The following HEPHL1 variants were observed in gnomAD, a reference collection of about 807,000 sequenced individuals.
HEPHL1 encodes the protein ferroxidase HEPHL1.
A neutral mutation model predicts 122.0 loss-of-function variants in HEPHL1; 123 were observed. That is an observed-to-expected ratio of 1.01 (90% CI 0.87 to 1.17). The LOEUF (loss-of-function observed/expected upper bound fraction) is 1.17. Ranked by LOEUF, HEPHL1 falls within the 50% of genes most tolerant of loss-of-function variation. The probability of loss-of-function intolerance (pLI) is 0.00; values close to 1 mark genes in which losing one functional copy is unlikely to be tolerated. For missense variants in HEPHL1, 1,452 were observed against 1,430.5 expected, an observed-to-expected ratio of 1.01 and a Z score of -0.24; for synonymous variants, 527 against 508.9, an observed-to-expected ratio of 1.04 and a Z score of -0.48.
intron 15 of HEPHL1, among the ~76,000 whole-genome samples, chr11:94,104,292 T>C (rs1182539734): frequency 1.3e-5 from 2 of 152,140 alleles, no homozygotes; most frequent in Non-Finnish European, 2.9e-5. Context: ...AGGGTTTGTA[T>C]TTAATTCTGT....
chr11:94,110,919 G>T lies in HEPHL1; in HGVS notation c.3062G>T (p.Arg1021Leu). Residue 1021 changes from arginine (R) to leucine (L), a missense_variant, in exon 18 of 20, where the codon CGA becomes CTA. Physicochemically the swap from Arg to Leu is moderately radical, Grantham distance 102. Coordinates refer to ENST00000315765, the MANE Select transcript of HEPHL1 (RefSeq NM_001098672.2). The stretch of plus-strand genomic sequence containing the variant: ...TTTTTGCAGATAGATAAATCTTACC[G>T]AGAAGATGTGTATGATCTCTTTCCT... ...SFLFKIDKSY[R>L]EDVYDLFPGT... is the part of the protein sequence containing the mutation. 6.2e-7 allele frequency: 1 copy of T among 1,612,114 alleles called. No homozygotes were observed. The highest frequency in any genetic ancestry group is 1.1e-5 in the South Asian group (1 of 90,596).
At chr11:94,082,788 A>G (rs766133811) in intron 10 of HEPHL1, among the ~76,000 whole-genome samples, 2 of 152,180 alleles carry the variant, frequency 1.3e-5, no homozygotes, top group Admixed American at 6.5e-5. Flanking sequence ...TCAGCCTTAG[A>G]TGAAGGAACA....
chr11:94,068,569 C>T lies in HEPHL1; in HGVS notation c.1063+819C>T, dbSNP rs146039821. Among the ~76,000 whole-genome samples the T allele has an allele frequency of 2.7e-3, 406 of 152,230 alleles. 2 individuals carry two copies. Among genetic ancestry groups the T allele is most frequent in the South Asian group, 0.013 (64 of 4,820 alleles). On this transcript the variant is annotated intron_variant, in intron 5 of 19. Coordinates refer to ENST00000315765, the MANE Select transcript of HEPHL1 (RefSeq NM_001098672.2). ...AATGTTCCTTACAGAGAAGTGATGA[C>T]AGAAGAGCCTGGGAGGCTCATCAGG... is the stretch of plus-strand genomic sequence containing the variant.
chr11:94,065,405 A>T (rs1185341158), intron 4 of HEPHL1, among the ~76,000 whole-genome samples: 1 of 152,240 alleles, frequency 6.6e-6, no homozygotes, highest in Non-Finnish European at 1.5e-5. Flanking sequence ...TCAAAGTGAT[A>T]ATTAATGCCA....
intron 1 of HEPHL1, among the ~76,000 whole-genome samples, chr11:94,024,372 A>C (rs1945606276): frequency 6.6e-6 from 1 of 152,192 alleles, no homozygotes; most frequent in African/African-American, 2.4e-5. Flanking sequence ...TGAGAAGTGT[A>C]ATGCCAAAGC....
intron 5 of HEPHL1, among the ~76,000 whole-genome samples, chr11:94,068,016 TA>T (rs1202234938): frequency 6.6e-6 from 1 of 152,184 alleles, no homozygotes; most frequent in Non-Finnish European, 1.5e-5. Flanking sequence ...TTGTTAGACA[TA>T]GTTAGACATT....
intron 13 of HEPHL1, among the ~76,000 whole-genome samples, chr11:94,096,379 T>C (rs1262772888): frequency 6.6e-6 from 1 of 152,214 alleles, no homozygotes; most frequent in Non-Finnish European, 1.5e-5. Flanking sequence ...GCCCACTTGA[T>C]CATGGTGGAT....
intron 9 of HEPHL1, among the ~76,000 whole-genome samples, chr11:94,082,104 C>T (rs1946175034): frequency 6.6e-6 from 1 of 152,150 alleles, no homozygotes; most frequent in Non-Finnish European, 1.5e-5. Flanking sequence ...TGGGCCAGGG[C>T]TGGCAGGTCA....
chr11:94,096,444 G>C (rs1946314676), intron 13 of HEPHL1, among the ~76,000 whole-genome samples: 1 of 152,146 alleles, frequency 6.6e-6, no homozygotes. Flanking sequence ...GAGGATTTTT[G>C]CATCAATGTT....
chr11:94,093,438 T>C, intron 12 of HEPHL1, 63 bp from the exon 13 acceptor site: 1 of 1,591,206 alleles, frequency 6.3e-7, no homozygotes, highest in Non-Finnish European at 8.6e-7. Flanking sequence ...CTGAATCACT[T>C]AGAAGCGCTC....
chr11:94,070,318 A>C (rs780972355), intron 5 of HEPHL1, 56 bp from the exon 6 acceptor site: 121 of 1,505,444 alleles, frequency 8.0e-5, no homozygotes, highest in Non-Finnish European at 1.1e-4. Flanking sequence ...CTTTTCCTAT[A>C]TGATTCCTTT....
intron 17 of HEPHL1, among the ~76,000 whole-genome samples, chr11:94,109,344 A>AT (rs2134455881): frequency 6.6e-6 from 1 of 152,120 alleles, no homozygotes; most frequent in African/African-American, 2.4e-5. Context: ...TATGTCTTTT[A>AT]TTTCTTTTGT....
At chr11:94,048,083 G>T (rs1452550046) in intron 2 of HEPHL1, among the ~76,000 whole-genome samples, 1 of 152,124 alleles carries the variant, frequency 6.6e-6, no homozygotes, top group African/African-American at 2.4e-5. Context: ...CTATGTCTAT[G>T]AATGTGCCTT....
chr11:94,063,670 C>G lies in HEPHL1; in HGVS notation c.578C>G (p.Pro193Arg), dbSNP rs1946007230. Residue 193 changes from proline to arginine, a missense_variant, in exon 3 of 20, where the codon CCA (proline) becomes CGA (arginine). Transcript: ENST00000315765. ...GTGTACCATTCGCACATCGACGCCCCAAAGGACATCTGCTCTGGGCTAATT... is the reference window on the plus strand; with the variant it reads ...GTGTACCATTCGCACATCGACGCCCGAAAGGACATCTGCTCTGGGCTAATT... ...TWVYHSHIDAPKDICSGLIGP... is the reference protein window; with the variant it reads ...TWVYHSHIDARKDICSGLIGP... 1 of 1,613,888 alleles carries G rather than the reference C, an allele frequency of 6.2e-7. No homozygotes were observed. The highest frequency in any genetic ancestry group is 1.7e-4 in the Middle Eastern group (1 of 6,050).
chr11:94,037,226 G>A (rs1300301715), intron 1 of HEPHL1, among the ~76,000 whole-genome samples: 3 of 152,228 alleles, frequency 2.0e-5, no homozygotes, highest in Admixed American at 1.3e-4. Context: ...CTACGCCCAC[G>A]GAGTCTCGCT....
At position 94,111,012 on chromosome 11, in the gene HEPHL1, C is replaced by G. The variant is rs1218002310; in HGVS notation, c.3155C>G (p.Ser1052Cys). 1 of 1,609,446 alleles carries G rather than the reference C, an allele frequency of 6.2e-7. No individual in the cohort carries two copies. The highest frequency in any genetic ancestry group is 8.5e-7 in the Non-Finnish European group (1 of 1,177,576). ...PGTWLLHCHVSDHIHAGMETT... is the reference protein window; with the variant it reads ...PGTWLLHCHVCDHIHAGMETT... ...ACATGGCTGCTACACTGTCATGTGT[C>G]TGACCACATCCATGCTGGCATGGAG... Residue 1052 changes from serine to cysteine, a missense_variant, in exon 18 of 20, where the codon TCT (serine) becomes TGT (cysteine). Ser to Cys is a moderately radical substitution (Grantham distance 112, BLOSUM62 -1). Transcript: ENST00000315765.
chr11:94,092,409 T>C (rs773453712), intron 12 of HEPHL1, among the ~76,000 whole-genome samples: 1 of 152,212 alleles, frequency 6.6e-6, no homozygotes, highest in Non-Finnish European at 1.5e-5. Context: ...CAGGTACATG[T>C]AGAGTGGCAA....
chr11:94,070,355 G>T lies in HEPHL1; in HGVS notation c.1064-19G>T, dbSNP rs1946063804. On this transcript the variant is annotated intron_variant, in intron 5 of 19. Transcript: ENST00000315765. ...GTGATCATTTATGCCTCAGCTCGTG[G>T]TTTTCCTCTGTTCTGCAGCTGGTAT... is the stretch of plus-strand genomic sequence containing the variant. 1 of 1,571,764 alleles carries T rather than the reference G, an allele frequency of 6.4e-7. No individual in the cohort carries two copies. Among genetic ancestry groups the T allele is most frequent in the Non-Finnish European group, 8.6e-7 (1 of 1,157,124 alleles).
chr11:94,086,690 G>A (rs371143100), intron 11 of HEPHL1, among the ~76,000 whole-genome samples: 1 of 152,088 alleles, frequency 6.6e-6, no homozygotes, highest in Admixed American at 6.5e-5. Context: ...GGGCACCCTT[G>A]GTTTCCCAAC....
Sources: gnomAD v4.1 joint callset for allele counts (sites outside exome capture counted in the v4.1 genomes callset) on GRCh38, gnomAD v4.1.1 for gene constraint, MANE v1.5 for transcripts, NCBI Gene and HGNC (gene_info 2026-07-23, HGNC 2026-07-21) for gene names.